The following TBC1D12 variants were observed in gnomAD, a reference collection of about 807,000 sequenced individuals.
The protein encoded by TBC1D12 is TBC1 domain family member 12, also known as TBC1 domain family, member 12.
Under a neutral mutation model 86.7 loss-of-function variants are expected in TBC1D12, and 56 were observed. The observed-to-expected ratio is 0.65, with a 90% CI of 0.52 to 0.81. TBC1D12 has a LOEUF of 0.81. TBC1D12 is among the 30% of genes least tolerant of loss of function. TBC1D12 has a pLI of 0.00. For synonymous variants in TBC1D12, 421 were observed against 411.7 expected (o/e 1.02, Z -0.27); for missense variants, 1,023 against 1,038.8 (o/e 0.98, Z 0.21).
chr10:94,535,546 G>T lies in TBC1D12; in HGVS notation c.*2450G>T, dbSNP rs1210583733. 6.6e-6 allele frequency: 1 copy of T among 152,044 alleles called. No individual in the cohort carries two copies. Among genetic ancestry groups the T allele is most frequent in the Non-Finnish European group, 1.5e-5 (1 of 68,000 alleles). The allele number at this position is 152,044 out of a possible 1,614,324, so 9.4% of individuals were successfully genotyped here. A position where few individuals can be genotyped will look rare whatever the true frequency, so the allele number is the denominator to read the frequency against. ...AGGACTACTAGTAGAACCCTCAAAA[G>T]GTAATTGCTATTATAGGGACTTACT... On this transcript the variant is annotated 3_prime_UTR_variant, in exon 13 of 13. Coordinates refer to ENST00000225235, the MANE Select transcript of TBC1D12 (RefSeq NM_015188.2).
chr10:94,440,120 T>G (rs1306241990), intron 1 of TBC1D12, among the ~76,000 whole-genome samples: 1 of 152,216 alleles, frequency 6.6e-6, no homozygotes, highest in Admixed American at 6.5e-5. Context: ...TAGTGTCATA[T>G]GTTTATTTCT....
rs551713481 is a variant in TBC1D12 at position 94,530,696 on chromosome 10, A to G, written c.2001-506A>G. 1.6e-3 allele frequency among the ~76,000 whole-genome samples: 236 copies of G among 152,246 alleles called. 1 individual carries two copies. The highest frequency in any genetic ancestry group is 2.7e-3 in the Non-Finnish European group (186 of 67,998). ...TAATAAGTGGCAAATTCAGGATTCA[A>G]ATTCAGGCATTCTGGTTTCATAGCT... On this transcript the variant is annotated intron_variant, in intron 11 of 12. Coordinates refer to ENST00000225235, the MANE Select transcript of TBC1D12 (RefSeq NM_015188.2).
At chr10:94,487,694 C>CTTTTTTTTTTTT (rs35682157) in intron 3 of TBC1D12, among the ~76,000 whole-genome samples, 2 of 127,336 alleles carry the variant, frequency 1.6e-5, no homozygotes, top group Non-Finnish European at 3.3e-5. Flanking sequence ...TGTTGTTTCT[C>CTTTTTTTTTTTT]TTTTTTTTTT....
intron 6 of TBC1D12, among the ~76,000 whole-genome samples, chr10:94,502,671 G>A (rs953431343): frequency 1.3e-5 from 2 of 152,126 alleles, no homozygotes; most frequent in Non-Finnish European, 2.9e-5. Flanking sequence ...CAGCCTGGGC[G>A]ACAGAGTGAG....
chr10:94,530,876 T>TC (rs1491515359), intron 11 of TBC1D12, among the ~76,000 whole-genome samples: 5 of 116,720 alleles, frequency 4.3e-5, no homozygotes, highest in Non-Finnish European at 7.2e-5. Flanking sequence ...TTTTTTTTTT[T>TC]CTGAGACAGA....
Position 94,403,038 on chromosome 10 carries a change from C to G in TBC1D12, c.425C>G (p.Pro142Arg). The part of the protein sequence containing the change: ...GMTNGDSGFL[P>R]GRDCRDLEEA... Reference sequence around the variant, plus strand: ...ACCAACGGCGACTCGGGTTTTCTGCCGGGCCGGGACTGTCGCGATCTGGAA... The same window carrying G: ...ACCAACGGCGACTCGGGTTTTCTGCGGGGCCGGGACTGTCGCGATCTGGAA... Residue 142 changes from proline (P) to arginine (R), a missense_variant, in exon 1 of 13, where the codon CCG becomes CGG. By Grantham distance (103) the Pro-to-Arg change is moderately radical. This residue lies in a region of TBC1D12 where 628 missense variants were observed against 531.1 expected (regional missense o/e 1.18). Coordinates refer to ENST00000225235, the MANE Select transcript of TBC1D12 (RefSeq NM_015188.2). 6.4e-7 allele frequency: 1 copy of G among 1,564,918 alleles called. No homozygotes were observed. The highest frequency in any genetic ancestry group is 8.6e-7 in the Non-Finnish European group (1 of 1,160,178).
At chr10:94,510,009 C>A in intron 7 of TBC1D12, 82 bp from the exon 8 acceptor site, 1 of 900,722 alleles carries the variant, frequency 1.1e-6, no homozygotes, top group Non-Finnish European at 1.8e-6. Context: ...ATAACACATG[C>A]TGTGTGATCA....
At chr10:94,445,958 AAAG>A (rs1158518514) in intron 2 of TBC1D12, among the ~76,000 whole-genome samples, 1 of 152,144 alleles carries the variant, frequency 6.6e-6, no homozygotes, top group Non-Finnish European at 1.5e-5. Context: ...AAAAAAAAAA[AAAG>A]TATTACTTTT....
chr10:94,522,527 A>G (rs1842177926), intron 11 of TBC1D12, 74 bp downstream of exon 11: 2 of 655,182 alleles, frequency 3.1e-6, no homozygotes. Flanking sequence ...TTTAGGAACT[A>G]GAGTAAATCT....
chr10:94,520,842 G>T (rs1032431319), intron 9 of TBC1D12, among the ~76,000 whole-genome samples: 1 of 151,888 alleles, frequency 6.6e-6, no homozygotes, highest in African/African-American at 2.4e-5. Flanking sequence ...TGTATTTTTA[G>T]TAGAGACAGG....
intron 2 of TBC1D12, among the ~76,000 whole-genome samples, chr10:94,460,197 G>A (rs1486060580): frequency 3.9e-5 from 6 of 152,042 alleles, no homozygotes; most frequent in African/African-American, 7.2e-5. Flanking sequence ...ATGAGATCAC[G>A]CCACTGCACT....
chr10:94,448,083 A>C (rs2055496885), intron 2 of TBC1D12, among the ~76,000 whole-genome samples: 1 of 152,044 alleles, frequency 6.6e-6, no homozygotes, highest in Non-Finnish European at 1.5e-5. Context: ...GTTTCACATA[A>C]ATTTTGACAG....
rs1272846418 is a variant in TBC1D12 at position 94,502,648 on chromosome 10, T to G, written c.1519+2321T>G. ...CAGGAGGTGCAATGAGCTGTGATTG[T>G]GCCACTGCACTCCAGCCTGGGCGAC... is the stretch of plus-strand genomic sequence containing the variant. On this transcript the variant is annotated intron_variant, in intron 6 of 12. Coordinates refer to ENST00000225235, the MANE Select transcript of TBC1D12 (RefSeq NM_015188.2). Among the ~76,000 whole-genome samples the G allele has an allele frequency of 2.0e-5, 3 of 151,330 alleles. No homozygotes were observed. In the East Asian group the frequency reaches 5.9e-4, roughly 30 times the overall value.
chr10:94,487,711 T>G (rs2056187757), intron 3 of TBC1D12, among the ~76,000 whole-genome samples: 1 of 149,738 alleles, frequency 6.7e-6, no homozygotes, highest in Admixed American at 6.6e-5. Context: ...TTTTTTTTTT[T>G]TTTGAGACAA....
intron 1 of TBC1D12, among the ~76,000 whole-genome samples, chr10:94,426,258 G>A (rs2055144924): frequency 6.6e-6 from 1 of 152,236 alleles, no homozygotes; most frequent in South Asian, 2.1e-4. Context: ...AACATTTAAT[G>A]TTTCACCATC....
intron 5 of TBC1D12, among the ~76,000 whole-genome samples, chr10:94,499,355 C>T (rs576290465): frequency 4.7e-4 from 72 of 152,246 alleles, no homozygotes; most frequent in African/African-American, 1.7e-3. Context: ...CACCATTCTA[C>T]CCCCTACTTT....
At chr10:94,443,131 A>T (rs2055405368) in intron 2 of TBC1D12, among the ~76,000 whole-genome samples, 1 of 152,196 alleles carries the variant, frequency 6.6e-6, no homozygotes, top group Admixed American at 6.5e-5. Flanking sequence ...CATAGAATGT[A>T]CATGCACGGC....
chr10:94,403,610 G>C (rs1340289305), intron 1 of TBC1D12, 26 bp downstream of exon 1: 10 of 1,429,074 alleles, frequency 7.0e-6, no homozygotes, highest in Non-Finnish European at 9.1e-6. Flanking sequence ...CATGGGACTC[G>C]GGGCGGGTCC....
rs1298745006 is a variant in TBC1D12 at position 94,526,647 on chromosome 10, CAGGTTGATTCCAT to C, written c.2000+4196_2000+4208del. Among the ~76,000 whole-genome samples, 30 of 152,226 alleles carry C rather than the reference CAGGTTGATTCCAT, an allele frequency of 2.0e-4. No individual in the cohort carries two copies. The East Asian group carries it at 4.5e-3, about 23-fold the overall frequency. On this transcript the variant is annotated intron_variant, in intron 11 of 12. Coordinates refer to ENST00000225235, the MANE Select transcript of TBC1D12 (RefSeq NM_015188.2). ...ATCCATTCATCTGTTGTTGGATACT[CAGGTTGATTCCAT>C]ATCTTGGCTATTGTGAATAGTGCTG...
Sources: allele counts gnomAD v4.1 joint callset (sites outside exome capture counted in the v4.1 genomes callset), GRCh38; gene constraint gnomAD v4.1.1; regional missense constraint gnomAD v4.1.1; transcripts MANE v1.5; gene names NCBI Gene and HGNC (gene_info 2026-07-23, HGNC 2026-07-21).